PLXNA4: variants seen among roughly 807,000 people sequenced by gnomAD.
The protein encoded by PLXNA4 is plexin-A4.
PLXNA4 carries 44 observed loss-of-function variants against 191.8 expected under a neutral mutation model. The observed-to-expected ratio is 0.23, with a 90% confidence interval of 0.18 to 0.29. The LOEUF (loss-of-function observed/expected upper bound fraction) is 0.29. Ranked by LOEUF, PLXNA4 falls within the 10% of genes least tolerant of loss-of-function variation. The pLI is 1.00. For synonymous variants in PLXNA4, 1,082 were observed against 1,009.5 expected, an observed-to-expected ratio of 1.07 and a Z score of -1.36; for missense variants, 1,800 against 2,488.8, an observed-to-expected ratio of 0.72 and a Z score of 5.89.
At chr7:132,189,429 G>A (rs1797019454) in intron 14 of PLXNA4, among the ~76,000 whole-genome samples, 1 of 152,156 alleles carries the variant, frequency 6.6e-6, no homozygotes, top group Non-Finnish European at 1.5e-5. Flanking sequence ...TCCCTGCATG[G>A]AGACCTTTAG....
intron 3 of PLXNA4, among the ~76,000 whole-genome samples, chr7:132,380,684 T>C (rs1269147181): frequency 6.6e-6 from 1 of 152,044 alleles, no homozygotes; most frequent in African/African-American, 2.4e-5. Flanking sequence ...GGGAGTGAGT[T>C]CAGATTGTGC....
chr7:132,511,193 G>C (rs1441388430), intron 1 of PLXNA4, among the ~76,000 whole-genome samples: 2 of 152,158 alleles, frequency 1.3e-5, no homozygotes, highest in Non-Finnish European at 2.9e-5. Context: ...AATATCTGTG[G>C]AGTATTTACT....
At chr7:132,210,137 CT>C (rs1436650669) in intron 10 of PLXNA4, among the ~76,000 whole-genome samples, 4 of 152,198 alleles carry the variant, frequency 2.6e-5, no homozygotes, top group African/African-American at 7.2e-5. Context: ...GTTCCTATGA[CT>C]TGAAAATGTT....
intron 4 of PLXNA4, among the ~76,000 whole-genome samples, chr7:132,244,330 T>C (rs1317464304): frequency 1.3e-5 from 2 of 152,232 alleles, no homozygotes; most frequent in African/African-American, 2.4e-5. Context: ...TTGGTTTTCA[T>C]GGACATGTAT....
rs529805639 is a variant in PLXNA4 at position 132,311,303 on chromosome 7, C to A, written c.1372-13081G>T. ...TCTCAGAACTCTCCCCAGAGTCTCC[C>A]GGTATGATTCGGTGCCTCCTGTGGG... On this transcript the variant is annotated intron_variant, in intron 3 of 31. Coordinates refer to ENST00000321063, the MANE Select transcript of PLXNA4 (RefSeq NM_020911.2). Among the ~76,000 whole-genome samples, 5 of 152,142 alleles carry A rather than the reference C, an allele frequency of 3.3e-5. No homozygotes were observed. The East Asian group carries it at 7.7e-4, about 24-fold the overall frequency.
intron 3 of PLXNA4, among the ~76,000 whole-genome samples, chr7:132,395,730 AG>A (rs1793730656): frequency 6.6e-6 from 1 of 152,232 alleles, no homozygotes; most frequent in Non-Finnish European, 1.5e-5. Context: ...TTTGCCGCCC[AG>A]AAAAAGCAAG....
At chr7:132,483,899 G>A (rs1797440090) in intron 3 of PLXNA4, among the ~76,000 whole-genome samples, 1 of 152,134 alleles carries the variant, frequency 6.6e-6, no homozygotes, top group Non-Finnish European at 1.5e-5. Context: ...CTAGCTATTG[G>A]CTGCAGTAGA....
At chr7:132,585,015 A>G (rs1387340956) in intron 2 of PLXNA4, among the ~76,000 whole-genome samples, 1 of 151,986 alleles carries the variant, frequency 6.6e-6, no homozygotes, top group Non-Finnish European at 1.5e-5. Context: ...GGCTGCCGTG[A>G]AGGTCACGCA....
intron 3 of PLXNA4, among the ~76,000 whole-genome samples, chr7:132,408,616 A>G (rs1319134789): frequency 6.6e-6 from 1 of 152,094 alleles, no homozygotes; most frequent in Non-Finnish European, 1.5e-5. Context: ...GGCACGTGCC[A>G]CCACATCTGG....
At chr7:132,629,069 G>A (rs1803441147) in intron 2 of PLXNA4, among the ~76,000 whole-genome samples, 2 of 152,132 alleles carry the variant, frequency 1.3e-5, no homozygotes, top group African/African-American at 2.4e-5. Flanking sequence ...GATCAGGTAT[G>A]CCCAGGCCCT....
At chr7:132,621,247 T>G (rs10247486) in intron 2 of PLXNA4, among the ~76,000 whole-genome samples, 23,352 of 70,500 alleles carry the variant, frequency 0.33, 2,126 homozygotes, top group Admixed American at 0.46. Context: ...TTTTTTTTTG[T>G]TTTTTTTTTT....
intron 3 of PLXNA4, among the ~76,000 whole-genome samples, chr7:132,368,867 G>A (rs944319529): frequency 1.4e-4 from 22 of 152,148 alleles, no homozygotes; most frequent in African/African-American, 4.8e-4. Flanking sequence ...CAATGACCTT[G>A]GGAACCCACA....
intron 1 of PLXNA4, among the ~76,000 whole-genome samples, chr7:132,574,853 A>C (rs1802151552): frequency 6.6e-6 from 1 of 152,222 alleles, no homozygotes; most frequent in African/African-American, 2.4e-5. Flanking sequence ...TACAAAAACA[A>C]CCCAAATTCT....
In PLXNA4 at chr7:132,127,362, C is replaced by G. The variant is rs181543063; in HGVS notation, c.*3117G>C. 2 of 152,182 alleles carry G rather than the reference C, an allele frequency of 1.3e-5. No homozygotes were observed. Among genetic ancestry groups the G allele is most frequent in the African/African-American group, 4.8e-5 (2 of 41,502 alleles). The allele number at this position is 152,182 out of a possible 1,614,324, so 9.4% of individuals were successfully genotyped here. On this transcript the variant is annotated 3_prime_UTR_variant, in exon 32 of 32. Coordinates refer to ENST00000321063, the MANE Select transcript of PLXNA4 (RefSeq NM_020911.2). Reference sequence around the variant, plus strand: ...GTGAAGGGGCCTCCATCCCACAGGACAAAGTTGGCCCAATTCCTTTCTCTG... The same window carrying G: ...GTGAAGGGGCCTCCATCCCACAGGAGAAAGTTGGCCCAATTCCTTTCTCTG...
At chr7:132,322,501 A>T (rs1380291709) in intron 3 of PLXNA4, among the ~76,000 whole-genome samples, 9 of 152,010 alleles carry the variant, frequency 5.9e-5, no homozygotes, top group African/African-American at 1.7e-4. Flanking sequence ...TGCCTTTTTC[A>T]TTTCTGTCTC....
intron 1 of PLXNA4, among the ~76,000 whole-genome samples, chr7:132,563,111 C>T (rs1227164481): frequency 2.7e-4 from 24 of 87,972 alleles, no homozygotes; most frequent in Non-Finnish European, 3.6e-4. Context: ...TCCTCCTCTC[C>T]CTCCTCCTCC....
intron 3 of PLXNA4, among the ~76,000 whole-genome samples, chr7:132,363,188 T>C (rs1804017684): frequency 6.6e-6 from 1 of 152,200 alleles, no homozygotes; most frequent in Non-Finnish European, 1.5e-5. Context: ...TTTCATCATG[T>C]TGGCCAGGCT....
At chr7:132,180,014 G>A in intron 19 of PLXNA4, 93 bp from the exon 20 acceptor site, 1 of 1,470,906 alleles carries the variant, frequency 6.8e-7, no homozygotes, top group South Asian at 1.4e-5. Context: ...GACCAGGGCA[G>A]GATGACGGAA....
intron 14 of PLXNA4, among the ~76,000 whole-genome samples, chr7:132,188,152 G>A (rs908380917): frequency 3.9e-5 from 6 of 152,118 alleles, no homozygotes; most frequent in Non-Finnish European, 5.9e-5. Context: ...GCACCCAGTG[G>A]CAGAGCAATG....
Sources: gnomAD v4.1 joint callset for allele counts (sites outside exome capture counted in the v4.1 genomes callset) on GRCh38, gnomAD v4.1.1 for gene constraint, MANE v1.5 for transcripts, NCBI Gene and HGNC (gene_info 2026-07-23, HGNC 2026-07-21) for gene names.